FANCI: variants seen among roughly 807,000 people sequenced by gnomAD.
The protein encoded by FANCI is Fanconi anemia group I protein.
In FANCI, 156 loss-of-function variants were observed where a neutral mutation model predicts 176.1. The observed-to-expected ratio is 0.89, with a 90% CI of 0.78 to 1.01. The LOEUF is 1.01. FANCI is among the 50% of genes least tolerant of loss of function. The pLI, the probability that FANCI is intolerant of heterozygous loss-of-function variation, is 0.00. For missense variants in FANCI, 1,678 were observed against 1,534.1 expected, an observed-to-expected ratio of 1.09 and a Z score of -1.57; for synonymous variants, 613 against 541.7, an observed-to-expected ratio of 1.13 and a Z score of -1.83.
In FANCI at chr15:89,276,785, A is replaced by C. The variant is rs1388483085; in HGVS notation, c.1187A>C (p.Lys396Thr). ...ATTTTGATGGATTCATATGGGCCAA[A>C]GAAGGTTCTTGATGGAAAAACTATT... ...GFILMDSYGP[K>T]KVLDGKTIET... Residue 396 changes from lysine to threonine, a missense_variant, in exon 13 of 38, where the codon AAG (lysine) becomes ACG (threonine). This residue lies in a region of FANCI where 5 missense variants were observed against 19.8 expected (regional missense o/e 0.25). Coordinates refer to ENST00000310775, the MANE Select transcript of FANCI (RefSeq NM_001113378.2). 6.2e-7 allele frequency: 1 copy of C among 1,614,082 alleles called. No homozygotes were observed. Among genetic ancestry groups the C allele is most frequent in the Admixed American group, 1.7e-5 (1 of 60,010 alleles).
chr15:89,312,931 G>A lies in FANCI; in HGVS notation c.3679G>A (p.Gly1227Arg), dbSNP rs371836991. The change falls in exon 35 of 38, where the codon GGA (glycine) becomes AGA (arginine). Residue 1227 changes from glycine to arginine, a missense_variant. Coordinates refer to ENST00000310775, the MANE Select transcript of FANCI (RefSeq NM_001113378.2). ...QNKSKSLNYTGEKKEKPAAVA... is the reference protein window; with the variant it reads ...QNKSKSLNYTREKKEKPAAVA... ...TAAGAGTAAGAGCCTGAACTATACGGGAGAGAAAAAGGAGAAACCTGCTGC... is the reference window on the plus strand; with the variant it reads ...TAAGAGTAAGAGCCTGAACTATACGAGAGAGAAAAAGGAGAAACCTGCTGC... 6.8e-6 allele frequency: 11 copies of A among 1,613,940 alleles called. No homozygotes were observed. Among genetic ancestry groups the A allele is most frequent in the Non-Finnish European group, 9.3e-6 (11 of 1,179,924 alleles).
chr15:89,313,560 G>A lies in FANCI; in HGVS notation c.3720+588G>A, dbSNP rs544072344. Among the ~76,000 whole-genome samples the A allele has an allele frequency of 3.9e-5, 6 of 152,286 alleles. No homozygotes were observed. The South Asian group carries it at 8.3e-4, about 21-fold the overall frequency. ...CCCTAAAAGATGTGTAAGAGTCAGCGGGGGTACAGGAAAGGAGGCACTTAG... is the reference window on the plus strand; with the variant it reads ...CCCTAAAAGATGTGTAAGAGTCAGCAGGGGTACAGGAAAGGAGGCACTTAG... On this transcript the variant is annotated intron_variant, in intron 35 of 37. Coordinates refer to ENST00000310775, the MANE Select transcript of FANCI (RefSeq NM_001113378.2).
chr15:89,265,695 T>C (rs2052916744), intron 9 of FANCI, among the ~76,000 whole-genome samples: 1 of 151,860 alleles, frequency 6.6e-6, no homozygotes, highest in Non-Finnish European at 1.5e-5. Context: ...AGCTAACTTT[T>C]TGTATTTTTA....
Position 89,284,997 on chromosome 15 carries a change from G to C in FANCI, c.1699-99G>C, listed in dbSNP as rs2053760187. On this transcript the variant is annotated intron_variant, in intron 17 of 37. Transcript: ENST00000310775. ...TCACCCCTGGGGTTTGGCATGTGGA[G>C]GAAGCTAAGTTTTTTCGACCAAGAA... 2.0e-6 allele frequency: 3 copies of C among 1,482,756 alleles called. 1 individual carries two copies. In the Admixed American group the frequency reaches 5.0e-5, roughly 25 times the overall value. The allele number at this position is 1,482,756 out of a possible 1,614,324, so 91.8% of individuals were successfully genotyped here. A position where few individuals can be genotyped will look rare whatever the true frequency, so the allele number is the denominator to read the frequency against.
intron 35 of FANCI, among the ~76,000 whole-genome samples, chr15:89,314,148 C>T (rs1219170774): frequency 1.1e-5 from 1 of 88,808 alleles, no homozygotes; most frequent in Admixed American, 1.1e-4. Flanking sequence ...GGACCACACA[C>T]AAAAATGTAG....
At chr15:89,298,067 G>T (rs2054378125) in intron 24 of FANCI, among the ~76,000 whole-genome samples, 1 of 151,824 alleles carries the variant, frequency 6.6e-6, no homozygotes, top group African/African-American at 2.4e-5. Context: ...TCTCTCCATA[G>T]TCAAAAAACA....
At chr15:89,251,858 A>G (rs750111918) in intron 2 of FANCI, among the ~76,000 whole-genome samples, 9 of 152,222 alleles carry the variant, frequency 5.9e-5, no homozygotes, top group Non-Finnish European at 1.2e-4. Flanking sequence ...TCTAAATTCT[A>G]GAGTCAGCAT....
intron 2 of FANCI, among the ~76,000 whole-genome samples, chr15:89,256,105 A>G (rs2052481833): frequency 6.6e-6 from 1 of 152,186 alleles, no homozygotes; most frequent in African/African-American, 2.4e-5. Context: ...CTTTCTGTTG[A>G]AACTGAACTA....
intron 27 of FANCI, among the ~76,000 whole-genome samples, chr15:89,303,207 C>T (rs1460399793): frequency 2.6e-5 from 4 of 152,168 alleles, no homozygotes; most frequent in African/African-American, 9.7e-5. Context: ...TTTACCTTTT[C>T]CTCAACAGAT....
chr15:89,290,270 C>G lies in FANCI; in HGVS notation c.1879C>G (p.Leu627Val), dbSNP rs760159827. The change falls in exon 19 of 38, where the codon CTG becomes GTG. Residue 627 changes from leucine (L) to valine (V), a missense_variant. Leu to Val is a conservative substitution (Grantham distance 32, BLOSUM62 1). Transcript: ENST00000310775. Reference protein sequence around the residue: ...SQLANSVMQTLLSQLKQFYEP... With the variant: ...SQLANSVMQTVLSQLKQFYEP... The stretch of plus-strand genomic sequence containing the variant: ...GCTGGCTAATTCAGTCATGCAAACT[C>G]TGCTCTCACAGGTAAAATACATTTT... 6.2e-7 allele frequency: 1 copy of G among 1,613,116 alleles called. No homozygotes were observed. Among genetic ancestry groups the G allele is most frequent in the East Asian group, 2.2e-5 (1 of 44,854 alleles).
At chr15:89,265,691 C>T (rs2351004) in intron 9 of FANCI, among the ~76,000 whole-genome samples, 70,211 of 151,370 alleles carry the variant, frequency 0.46, 17,100 homozygotes, top group African/African-American at 0.63. Flanking sequence ...GCCCAGCTAA[C>T]TTTTTGTATT....
Sources: allele counts gnomAD v4.1 joint callset (sites outside exome capture counted in the v4.1 genomes callset), GRCh38; gene constraint gnomAD v4.1.1; regional missense constraint gnomAD v4.1.1; transcripts MANE v1.5; gene names NCBI Gene and HGNC (gene_info 2026-07-23, HGNC 2026-07-21).